ARHGAP26: variants seen among roughly 807,000 people sequenced by gnomAD.
ARHGAP26 encodes rho GTPase-activating protein 26.
A neutral mutation model predicts 104.8 loss-of-function variants in ARHGAP26; 38 were observed. That is an observed-to-expected ratio of 0.36 (90% CI 0.28 to 0.48). ARHGAP26 has a LOEUF of 0.48. Among genes scored for constraint, ARHGAP26 ranks in the 20% least tolerant of loss-of-function variants. The pLI, the probability that ARHGAP26 is intolerant of heterozygous loss-of-function variation, is 0.99. For missense variants in ARHGAP26, 704 were observed against 947.9 expected, an observed-to-expected ratio of 0.74 and a Z score of 3.38; for synonymous variants, 341 against 340.0, an observed-to-expected ratio of 1.00 and a Z score of -0.03.
intron 18 of ARHGAP26, among the ~76,000 whole-genome samples, chr5:143,127,690 T>G (rs1006694832): frequency 2.0e-5 from 3 of 152,236 alleles, no homozygotes; most frequent in South Asian, 2.1e-4. Context: ...GCCACCAATC[T>G]GCCTTGATCT....
chr5:143,014,099 A>G lies in ARHGAP26; in HGVS notation c.1127A>G (p.Asp376Gly). Reference sequence around the variant, plus strand: ...TTCCAGGTCTACAACTCGAACAAAGACAGCCAGAGTGAAGGGAGTAAGTAC... The same window carrying G: ...TTCCAGGTCTACAACTCGAACAAAGGCAGCCAGAGTGAAGGGAGTAAGTAC... The part of the protein sequence containing the change: ...GREPVYNSNK[D>G]SQSEGTAQLD... The change falls in exon 12 of 23, where the codon GAC becomes GGC. Residue 376 changes from aspartate to glycine, a missense_variant. By Grantham distance (94) the Asp-to-Gly change is moderately conservative. Transcript: ENST00000645722. The G allele has an allele frequency of 6.2e-7, 1 of 1,614,210 alleles. No individual in the cohort carries two copies. The highest frequency in any genetic ancestry group is 8.5e-7 in the Non-Finnish European group (1 of 1,180,026).
chr5:143,076,991 T>C (rs1267272171), intron 17 of ARHGAP26, among the ~76,000 whole-genome samples: 1 of 152,228 alleles, frequency 6.6e-6, no homozygotes, highest in Non-Finnish European at 1.5e-5. Flanking sequence ...TTTAGTAAGA[T>C]GCATACCTAC....
At chr5:143,063,131 C>G (rs564091945) in intron 17 of ARHGAP26, among the ~76,000 whole-genome samples, 6 of 152,208 alleles carry the variant, frequency 3.9e-5, no homozygotes, top group Non-Finnish European at 7.3e-5. Flanking sequence ...CCTGATACCC[C>G]CACGCAGCCA....
At chr5:143,074,315 CT>C in intron 17 of ARHGAP26, among the ~76,000 whole-genome samples, 1 of 152,188 alleles carries the variant, frequency 6.6e-6, no homozygotes, top group Non-Finnish European at 1.5e-5. Flanking sequence ...GATCCACTGA[CT>C]TTTCGTCCAT....
At chr5:142,838,429 A>G (rs532755173) in intron 1 of ARHGAP26, among the ~76,000 whole-genome samples, 6 of 152,328 alleles carry the variant, frequency 3.9e-5, no homozygotes, top group African/African-American at 1.4e-4. Context: ...TAATTTTATA[A>G]TGAGATGGCC....
chr5:143,042,652 A>G (rs1783642588), intron 14 of ARHGAP26, among the ~76,000 whole-genome samples: 1 of 152,252 alleles, frequency 6.6e-6, no homozygotes. Flanking sequence ...CCTGGCTTGT[A>G]GAGAGGGACT....
chr5:143,119,874 A>G (rs570015389), intron 17 of ARHGAP26, among the ~76,000 whole-genome samples: 3 of 151,056 alleles, frequency 2.0e-5, no homozygotes, highest in African/African-American at 7.4e-5. Context: ...TTAAGGCAGT[A>G]TAATCTCTTT....
chr5:142,872,013 G>A (rs1340512453), intron 1 of ARHGAP26, among the ~76,000 whole-genome samples: 1 of 152,222 alleles, frequency 6.6e-6, no homozygotes, highest in Non-Finnish European at 1.5e-5. Context: ...TGCTGTCCAT[G>A]CAGTAGCTTG....
At chr5:142,863,807 T>G (rs1021912593) in intron 1 of ARHGAP26, among the ~76,000 whole-genome samples, 1 of 152,192 alleles carries the variant, frequency 6.6e-6, no homozygotes, top group African/African-American at 2.4e-5. Flanking sequence ...TGGGTGCACC[T>G]TAAAGCTTGA....
intron 11 of ARHGAP26, among the ~76,000 whole-genome samples, chr5:142,985,501 C>T (rs1345254764): frequency 3.9e-5 from 6 of 151,978 alleles, no homozygotes; most frequent in African/African-American, 1.2e-4. Flanking sequence ...TACAGGAATA[C>T]CACTTTTTAT....
At chr5:142,874,178 T>C (rs1755737910) in intron 2 of ARHGAP26, among the ~76,000 whole-genome samples, 1 of 152,172 alleles carries the variant, frequency 6.6e-6, no homozygotes, top group South Asian at 2.1e-4. Context: ...CACCACGGTG[T>C]GTTGCTTCAC....
chr5:143,071,098 G>T (rs1788187235), intron 17 of ARHGAP26, among the ~76,000 whole-genome samples: 1 of 152,132 alleles, frequency 6.6e-6, no homozygotes, highest in South Asian at 2.1e-4. Context: ...AAGCGGCATG[G>T]TACTGGCATA....
At chr5:142,894,118 A>G in intron 5 of ARHGAP26, 120 bp from the exon 6 acceptor site, 1 of 678,434 alleles carries the variant, frequency 1.5e-6, no homozygotes, top group Non-Finnish European at 2.6e-6. Flanking sequence ...TCTTCTGTGT[A>G]ATGCTATTTG....
Position 142,960,244 on chromosome 5 carries a change from C to T in ARHGAP26, c.1107+28119C>T, listed in dbSNP as rs535383937. 7.2e-5 allele frequency among the ~76,000 whole-genome samples: 11 copies of T among 152,322 alleles called. No individual in the cohort carries two copies. The South Asian group carries it at 1.0e-3, about 14-fold the overall frequency. ...TGATGACAGAGCACCAAATAGTAAT[C>T]ATGAGCCTAAATTGACAAAAGAAGT... On this transcript the variant is annotated intron_variant, in intron 11 of 22. Transcript: ENST00000645722.
intron 1 of ARHGAP26, among the ~76,000 whole-genome samples, chr5:142,780,956 C>T (rs988486620): frequency 6.6e-6 from 1 of 152,226 alleles, no homozygotes; most frequent in Non-Finnish European, 1.5e-5. Flanking sequence ...CAGGATCATG[C>T]CACATGTCCT....
chr5:142,860,309 G>A (rs1378072982), intron 1 of ARHGAP26: 2 of 152,242 alleles, frequency 1.3e-5, no homozygotes, highest in African/African-American at 4.8e-5. Flanking sequence ...CTATACCTTA[G>A]GCACTTGGAA....
At chr5:142,921,861 G>A (rs1562084883) in intron 10 of ARHGAP26, 1 of 152,170 alleles carries the variant, frequency 6.6e-6, no homozygotes, top group Non-Finnish European at 1.5e-5. Flanking sequence ...AAACATGGCT[G>A]TTGAATTTTT....
chr5:143,198,006 T>C (rs1345505883), intron 20 of ARHGAP26, among the ~76,000 whole-genome samples: 4 of 152,214 alleles, frequency 2.6e-5, no homozygotes, highest in Non-Finnish European at 5.9e-5. Context: ...CCTGAGGCAG[T>C]CATAGTTTCT....
At chr5:143,102,998 C>G (rs576447108) in intron 17 of ARHGAP26, among the ~76,000 whole-genome samples, 1 of 152,248 alleles carries the variant, frequency 6.6e-6, no homozygotes, top group African/African-American at 2.4e-5. Context: ...CCCAGCTTCA[C>G]AGGGGGGATC....
Sources: gnomAD v4.1 joint callset for allele counts (sites outside exome capture counted in the v4.1 genomes callset) on GRCh38, gnomAD v4.1.1 for gene constraint, MANE v1.5 for transcripts, NCBI Gene and HGNC (gene_info 2026-07-23, HGNC 2026-07-21) for gene names.